Variants in MAP2K5 observed in about 807,000 individuals in gnomAD.
The protein encoded by MAP2K5 is dual specificity mitogen-activated protein kinase kinase 5.
MAP2K5 carries 49 observed loss-of-function variants against 83.1 expected under a neutral mutation model. The observed-to-expected ratio is 0.59, with a 90% confidence interval of 0.47 to 0.75. MAP2K5 has a LOEUF of 0.75. MAP2K5 is among the 30% of genes least tolerant of loss of function. MAP2K5 has a pLI of 0.00. For synonymous variants in MAP2K5, 202 were observed against 191.8 expected (o/e 1.05, Z -0.44); for missense variants, 457 against 557.5 (o/e 0.82, Z 1.82).
intron 11 of MAP2K5, among the ~76,000 whole-genome samples, chr15:67,647,179 A>C (rs2086848981): frequency 6.6e-6 from 1 of 152,192 alleles, no homozygotes. Flanking sequence ...TTCCTTGTGG[A>C]GATTCTCAGT....
intron 16 of MAP2K5, among the ~76,000 whole-genome samples, chr15:67,716,498 C>G (rs898007740): frequency 3.3e-5 from 5 of 152,168 alleles, no homozygotes; most frequent in African/African-American, 9.7e-5. Context: ...TTTTGGGAAC[C>G]ATGTCTGCCA....
intron 16 of MAP2K5, among the ~76,000 whole-genome samples, chr15:67,705,951 AG>A (rs1823025681): frequency 6.6e-6 from 1 of 152,124 alleles, no homozygotes; most frequent in South Asian, 2.1e-4. Flanking sequence ...AAATTTAGAG[AG>A]GTAGCCAGGG....
Position 67,585,878 on chromosome 15 carries a change from T to A in MAP2K5, c.323-12T>A, listed in dbSNP as rs1440587481. The stretch of plus-strand genomic sequence containing the variant: ...CTGATGTGTTCTACAATTTAGTCAA[T>A]TACTGTTTCAGCCTGCAAGCCTCCT... On this transcript the variant is annotated splice_polypyrimidine_tract_variant and intron_variant, in intron 4 of 21. Coordinates refer to ENST00000178640, the MANE Select transcript of MAP2K5 (RefSeq NM_145160.3). The A allele has an allele frequency of 1.2e-6, 2 of 1,613,178 alleles. No individual in the cohort carries two copies. The highest frequency in any genetic ancestry group is 1.7e-6 in the Non-Finnish European group (2 of 1,179,246).
At chr15:67,556,300 T>C (rs1567270388) in intron 2 of MAP2K5, among the ~76,000 whole-genome samples, 1 of 152,178 alleles carries the variant, frequency 6.6e-6, no homozygotes, top group Non-Finnish European at 1.5e-5. Context: ...AAGTTTAAAA[T>C]TTTTACATGG....
intron 1 of MAP2K5, chr15:67,548,927 G>C: frequency 2.6e-6 from 2 of 767,784 alleles, no homozygotes; most frequent in Non-Finnish European, 3.7e-6. Context: ...AAAAAAAAAA[G>C]CACTATAGAG....
intron 13 of MAP2K5, among the ~76,000 whole-genome samples, chr15:67,678,040 T>G (rs2087721396): frequency 6.6e-6 from 1 of 152,232 alleles, no homozygotes; most frequent in Non-Finnish European, 1.5e-5. Flanking sequence ...ACTTTTATAT[T>G]GCAATGTGGT....
At chr15:67,680,181 T>G (rs2087782868) in intron 13 of MAP2K5, among the ~76,000 whole-genome samples, 1 of 152,222 alleles carries the variant, frequency 6.6e-6, no homozygotes, top group Non-Finnish European at 1.5e-5. Flanking sequence ...TTGAATAGTA[T>G]TCCATTGTAT....
chr15:67,783,032 T>C lies in MAP2K5; in HGVS notation c.1242+10280T>C, dbSNP rs1045447645. Among the ~76,000 whole-genome samples, 21 of 152,258 alleles carry C rather than the reference T, an allele frequency of 1.4e-4. No homozygotes were observed. The highest frequency in any genetic ancestry group is 4.6e-4 in the African/African-American group (19 of 41,472). Reference sequence around the variant, plus strand: ...GCTGAATTATAACCCACTGCACGTCTGGTGCAGATTTGTATTGCAGAAGCC... The same window carrying C: ...GCTGAATTATAACCCACTGCACGTCCGGTGCAGATTTGTATTGCAGAAGCC... On this transcript the variant is annotated intron_variant, in intron 21 of 21. Transcript: ENST00000178640. This position sits in a 1 kb window ranked among gnomAD's most constrained non-coding sequence, Gnocchi z 5.1.
Position 67,690,585 on chromosome 15 carries a change from G to A in MAP2K5, c.848-1894G>A, listed in dbSNP as rs960886194. 6.7e-6 allele frequency among the ~76,000 whole-genome samples: 1 copy of A among 150,218 alleles called. No individual in the cohort carries two copies. The highest frequency in any genetic ancestry group is 1.5e-5 in the Non-Finnish European group (1 of 67,836). Reference sequence around the variant, plus strand: ...GTCTCGCTCTGATACCCAGGCTACAGTGCAGTGGCACCATCTCAGCTCACT... The same window carrying A: ...GTCTCGCTCTGATACCCAGGCTACAATGCAGTGGCACCATCTCAGCTCACT... On this transcript the variant is annotated intron_variant, in intron 13 of 21. Transcript: ENST00000178640. This position sits in a 1 kb window ranked among gnomAD's most constrained non-coding sequence, Gnocchi z 4.3.
intron 13 of MAP2K5, among the ~76,000 whole-genome samples, chr15:67,672,707 T>C (rs2087573566): frequency 6.9e-6 from 1 of 144,388 alleles, no homozygotes; most frequent in Admixed American, 7.0e-5. Flanking sequence ...TGCCATTGCT[T>C]TTGGTGTTTT....
At chr15:67,651,736 ATTTTCT>A (rs1181291785) in intron 11 of MAP2K5, among the ~76,000 whole-genome samples, 1 of 152,032 alleles carries the variant, frequency 6.6e-6, no homozygotes, top group Non-Finnish European at 1.5e-5. Context: ...TATGTACCAC[ATTTTCT>A]TTATCTTTAT....
chr15:67,586,717 C>A, intron 5 of MAP2K5, 129 bp from the exon 6 acceptor site: 2 of 796,708 alleles, frequency 2.5e-6, no homozygotes, highest in South Asian at 1.4e-5. Flanking sequence ...TAGACTCCAA[C>A]TGTGGGTTTG....
At chr15:67,723,584 A>G (rs562786676) in intron 16 of MAP2K5, among the ~76,000 whole-genome samples, 126 of 152,330 alleles carry the variant, frequency 8.3e-4, no homozygotes, top group African/African-American at 2.9e-3. Flanking sequence ...TTAATTTAAC[A>G]TTAAATAGAA....
intron 8 of MAP2K5, among the ~76,000 whole-genome samples, chr15:67,616,769 T>A (rs1226820907): frequency 6.6e-6 from 1 of 152,234 alleles, no homozygotes; most frequent in Admixed American, 6.5e-5. Context: ...CTCTTTTTAA[T>A]TACTGGTTAT....
chr15:67,598,932 T>C (rs1420708900), intron 7 of MAP2K5, among the ~76,000 whole-genome samples: 1 of 152,226 alleles, frequency 6.6e-6, no homozygotes, highest in East Asian at 1.9e-4. Context: ...ATCAGGTTGT[T>C]ACGGACATGT....
rs1021890781 is a variant in MAP2K5 at position 67,780,167 on chromosome 15, A to G, written c.1242+7415A>G. 6.6e-6 allele frequency among the ~76,000 whole-genome samples: 1 copy of G among 152,150 alleles called. No homozygotes were observed. Among genetic ancestry groups the G allele is most frequent in the Non-Finnish European group, 1.5e-5 (1 of 68,014 alleles). On this transcript the variant is annotated intron_variant, in intron 21 of 21. Coordinates refer to ENST00000178640, the MANE Select transcript of MAP2K5 (RefSeq NM_145160.3). This position sits in a 1 kb window ranked among gnomAD's most constrained non-coding sequence, Gnocchi z 5.0. ...TAGTCCATGTAGTACAGCGGCTCTCAACACTAGCAGCTCATCAGAGTTACC... is the reference window on the plus strand; with the variant it reads ...TAGTCCATGTAGTACAGCGGCTCTCGACACTAGCAGCTCATCAGAGTTACC...
chr15:67,725,622 C>G (rs2089073004), intron 16 of MAP2K5, among the ~76,000 whole-genome samples: 1 of 152,184 alleles, frequency 6.6e-6, no homozygotes, highest in South Asian at 2.1e-4. Context: ...CTAGAATGTT[C>G]TAAGTGCTTT....
Position 67,668,747 on chromosome 15 carries a change from T to C in MAP2K5, c.847+4102T>C, listed in dbSNP as rs953458124. Among the ~76,000 whole-genome samples, 1 of 152,056 alleles carries C rather than the reference T, an allele frequency of 6.6e-6. No individual in the cohort carries two copies. Among genetic ancestry groups the C allele is most frequent in the Non-Finnish European group, 1.5e-5 (1 of 68,010 alleles). On this transcript the variant is annotated intron_variant, in intron 13 of 21. Coordinates refer to ENST00000178640, the MANE Select transcript of MAP2K5 (RefSeq NM_145160.3). This position sits in a 1 kb window ranked among gnomAD's most constrained non-coding sequence, Gnocchi z 4.0. The stretch of plus-strand genomic sequence containing the variant: ...AATAGAAATGCAAGGGTAATGAGAA[T>C]AGAATTTAGATTAAGAAAATAAAAT...
chr15:67,665,261 A>G lies in MAP2K5; in HGVS notation c.847+616A>G, dbSNP rs1048654720. Among the ~76,000 whole-genome samples the G allele has an allele frequency of 1.3e-5, 2 of 152,152 alleles. No individual in the cohort carries two copies. Among genetic ancestry groups the G allele is most frequent in the Non-Finnish European group, 2.9e-5 (2 of 68,026 alleles). Reference sequence around the variant, plus strand: ...CTAGTAACAGAACACATGAGAGAATAATCAGATGAGTGTTGAATATTGCAA... The same window carrying G: ...CTAGTAACAGAACACATGAGAGAATGATCAGATGAGTGTTGAATATTGCAA... On this transcript the variant is annotated intron_variant, in intron 13 of 21. Coordinates refer to ENST00000178640, the MANE Select transcript of MAP2K5 (RefSeq NM_145160.3). The surrounding 1 kb of genome is among the most constrained non-coding windows in gnomAD (Gnocchi z 4.2).
Sources: allele counts gnomAD v4.1 joint callset (sites outside exome capture counted in the v4.1 genomes callset), GRCh38; gene constraint gnomAD v4.1.1; non-coding constraint Gnocchi (gnomAD v3.1); transcripts MANE v1.5; gene names NCBI Gene and HGNC (gene_info 2026-07-23, HGNC 2026-07-21).